Variants in GATAD2B observed in about 807,000 individuals in gnomAD.
The protein encoded by GATAD2B is GATA zinc finger domain containing 2B.
In GATAD2B, 8 loss-of-function variants were observed where a neutral mutation model predicts 64.3. The ratio of observed to expected loss-of-function variants is 0.12; its 90% confidence interval spans 0.07 to 0.22. The LOEUF is 0.22. GATAD2B is among the 10% of genes least tolerant of loss of function. The probability of loss-of-function intolerance (pLI) is 1.00; values close to 1 mark genes in which losing one functional copy is unlikely to be tolerated. For synonymous variants in GATAD2B, 281 were observed against 271.3 expected (o/e 1.04, Z -0.35); for missense variants, 453 against 752.0 (o/e 0.60, Z 4.65).
At chr1:153,889,202 C>G (rs780404533) in intron 1 of GATAD2B, among the ~76,000 whole-genome samples, 1 of 151,662 alleles carries the variant, frequency 6.6e-6, no homozygotes, top group Non-Finnish European at 1.5e-5. Flanking sequence ...CACCTGAGGT[C>G]GGGAGTTCGA....
intron 1 of GATAD2B, among the ~76,000 whole-genome samples, chr1:153,887,881 G>A (rs1677233469): frequency 6.6e-6 from 1 of 152,006 alleles, no homozygotes; most frequent in Non-Finnish European, 1.5e-5. Context: ...GAGGACAGGA[G>A]TTGGAAACCA....
intron 2 of GATAD2B, among the ~76,000 whole-genome samples, chr1:153,821,090 C>T (rs2101884729): frequency 6.7e-6 from 1 of 149,984 alleles, no homozygotes; most frequent in East Asian, 2.0e-4. Context: ...AAGAGATTCC[C>T]CCCGCCTCAG....
intron 2 of GATAD2B, among the ~76,000 whole-genome samples, chr1:153,824,426 G>A (rs1674796842): frequency 1.3e-5 from 2 of 151,836 alleles, no homozygotes; most frequent in South Asian, 2.1e-4. Flanking sequence ...TCAGCAGATC[G>A]AGACCATCTG....
At chr1:153,831,514 A>G (rs1403891888) in intron 1 of GATAD2B, among the ~76,000 whole-genome samples, 1 of 152,204 alleles carries the variant, frequency 6.6e-6, no homozygotes, top group African/African-American at 2.4e-5. Flanking sequence ...AATAAAAAAA[A>G]AAGAATAGCT....
chr1:153,900,458 T>C (rs545208111), intron 1 of GATAD2B, among the ~76,000 whole-genome samples: 2 of 152,202 alleles, frequency 1.3e-5, no homozygotes, highest in East Asian at 3.9e-4. Context: ...TATCCAGTAA[T>C]ATGACCATTA....
intron 1 of GATAD2B, among the ~76,000 whole-genome samples, chr1:153,918,833 C>G (rs1678345243): frequency 6.6e-6 from 1 of 152,110 alleles, no homozygotes; most frequent in Admixed American, 6.6e-5. Flanking sequence ...TGACTGTAAT[C>G]CCAGCTACTT....
intron 9 of GATAD2B, 39 bp from the exon 10 acceptor site, chr1:153,811,887 G>A (rs1459255298): frequency 7.0e-7 from 1 of 1,419,692 alleles, no homozygotes; most frequent in Non-Finnish European, 9.9e-7. Flanking sequence ...ACTTTGATAT[G>A]ATAGAATGTT....
At chr1:153,912,141 A>G (rs543787783) in intron 1 of GATAD2B, among the ~76,000 whole-genome samples, 7 of 152,370 alleles carry the variant, frequency 4.6e-5, no homozygotes, top group African/African-American at 1.7e-4. Flanking sequence ...AATATTAGGT[A>G]GATTTAAAGG....
At chr1:153,823,244 A>G (rs188537624) in intron 2 of GATAD2B, among the ~76,000 whole-genome samples, 1 of 152,326 alleles carries the variant, frequency 6.6e-6, no homozygotes. Flanking sequence ...AGATATTATT[A>G]AAAGACCCAC....
In GATAD2B at chr1:153,816,541, G is replaced by A; in HGVS notation, c.948C>T (p.Ile316=). ...VPCQRTTSSA[I]YMNLASHIQP... ...GGATATGAGAAGCAAGGTTCATATA[G>A]ATGGCAGAGGATGTTGTACGCTGAC... The change falls in exon 7 of 11, where the codon ATC becomes ATT. Residue 316 remains isoleucine, a synonymous_variant. Coordinates refer to ENST00000368655, the MANE Select transcript of GATAD2B (RefSeq NM_020699.4). This position sits in a 1 kb window ranked among gnomAD's most constrained non-coding sequence, Gnocchi z 4.9. The A allele has an allele frequency of 6.2e-7, 1 of 1,613,510 alleles. No homozygotes were observed. Among genetic ancestry groups the A allele is most frequent in the Non-Finnish European group, 8.5e-7 (1 of 1,179,418 alleles).
At chr1:153,887,893 C>T (rs1677233727) in intron 1 of GATAD2B, among the ~76,000 whole-genome samples, 1 of 151,840 alleles carries the variant, frequency 6.6e-6, no homozygotes, top group Non-Finnish European at 1.5e-5. Context: ...TGGAAACCAC[C>T]GTGGCCAACA....
At chr1:153,894,276 T>A (rs867810469) in intron 1 of GATAD2B, among the ~76,000 whole-genome samples, 1 of 152,022 alleles carries the variant, frequency 6.6e-6, no homozygotes, top group South Asian at 2.1e-4. Flanking sequence ...AAAACCAGCC[T>A]GGCCAACATG....
intron 1 of GATAD2B, among the ~76,000 whole-genome samples, chr1:153,883,831 C>G (rs914876409): frequency 1.3e-5 from 2 of 151,916 alleles, no homozygotes; most frequent in African/African-American, 4.8e-5. Context: ...CAGTACTCTA[C>G]GTTTACTATA....
chr1:153,902,565 T>C (rs1677811971), intron 1 of GATAD2B, among the ~76,000 whole-genome samples: 1 of 152,042 alleles, frequency 6.6e-6, no homozygotes, highest in Non-Finnish European at 1.5e-5. Context: ...AGGGATTCTC[T>C]TACCTCAGCC....
intron 1 of GATAD2B, among the ~76,000 whole-genome samples, chr1:153,905,219 C>T (rs1677888815): frequency 6.6e-6 from 1 of 151,922 alleles, no homozygotes; most frequent in South Asian, 2.1e-4. Context: ...AATAAAAATA[C>T]AAACAATTAG....
intron 1 of GATAD2B, among the ~76,000 whole-genome samples, chr1:153,883,110 G>A (rs916026750): frequency 6.6e-6 from 1 of 151,996 alleles, no homozygotes; most frequent in African/African-American, 2.4e-5. Context: ...TGCCTCATTT[G>A]GACCTCTGAA....
At chr1:153,868,996 T>C (rs1676570955) in intron 1 of GATAD2B, among the ~76,000 whole-genome samples, 2 of 152,176 alleles carry the variant, frequency 1.3e-5, no homozygotes, top group Admixed American at 1.3e-4. Flanking sequence ...AATTTTAGCA[T>C]ACAAAGACAA....
chr1:153,863,683 G>A (rs1676387088), intron 1 of GATAD2B, among the ~76,000 whole-genome samples: 1 of 151,414 alleles, frequency 6.6e-6, no homozygotes, highest in African/African-American at 2.4e-5. Flanking sequence ...GAGTGCAGCT[G>A]TGCGATCTTG....
chr1:153,863,507 A>C (rs1300598390), intron 1 of GATAD2B, among the ~76,000 whole-genome samples: 1 of 138,674 alleles, frequency 7.2e-6, no homozygotes, highest in Non-Finnish European at 1.6e-5. Flanking sequence ...AAAAGAAAGA[A>C]ATAAGAAAAA....
Sources: gnomAD v4.1 joint callset for allele counts (sites outside exome capture counted in the v4.1 genomes callset) on GRCh38, gnomAD v4.1.1 for gene constraint, Gnocchi (gnomAD v3.1) non-coding constraint, MANE v1.5 for transcripts, NCBI Gene and HGNC (gene_info 2026-07-23, HGNC 2026-07-21) for gene names.